CSNK1A1: variants seen among roughly 807,000 people sequenced by gnomAD.
The protein encoded by CSNK1A1 is casein kinase 1 alpha 1.
In CSNK1A1, 7 loss-of-function variants were observed where a neutral mutation model predicts 46.1. That is an observed-to-expected ratio of 0.15 (90% CI 0.09 to 0.29). The LOEUF is 0.29. CSNK1A1 is among the 10% of genes least tolerant of loss of function. The pLI, the probability that CSNK1A1 is intolerant of heterozygous loss-of-function variation, is 1.00. For missense variants in CSNK1A1, 96 were observed against 417.1 expected (o/e 0.23, Z 6.71); for synonymous variants, 137 against 141.5 (o/e 0.97, Z 0.23).
At chr5:149,500,469 G>C (rs1760815387) in intron 9 of CSNK1A1, among the ~76,000 whole-genome samples, 1 of 151,432 alleles carries the variant, frequency 6.6e-6, no homozygotes, top group Non-Finnish European at 1.5e-5. Flanking sequence ...AGTAAAGACA[G>C]GGTTTCACTG....
chr5:149,524,913 T>G, intron 3 of CSNK1A1, 132 bp downstream of exon 3: 2 of 744,206 alleles, frequency 2.7e-6, no homozygotes, highest in Non-Finnish European at 4.0e-6. Context: ...ACAAGTCACA[T>G]TATTATTTTT....
chr5:149,501,065 C>A, intron 9 of CSNK1A1: 1 of 985,386 alleles, frequency 1.0e-6, no homozygotes, highest in African/African-American at 1.7e-5. Flanking sequence ...GCATTCAACA[C>A]CACTGAGTCA....
chr5:149,508,898 C>T (rs1761124538), intron 7 of CSNK1A1, among the ~76,000 whole-genome samples: 2 of 152,110 alleles, frequency 1.3e-5, no homozygotes, highest in South Asian at 2.1e-4. Flanking sequence ...TTACTTAAAA[C>T]GTTTATTTAA....
chr5:149,513,246 C>A (rs758301729), intron 4 of CSNK1A1, 37 bp from the exon 5 acceptor site: 3 of 1,583,400 alleles, frequency 1.9e-6, no homozygotes, highest in African/African-American at 1.4e-5. Context: ...AGGTTTCCAA[C>A]CTTGTTCAAT....
chr5:149,527,137 T>TG (rs1205342573), intron 2 of CSNK1A1, among the ~76,000 whole-genome samples: 1 of 151,974 alleles, frequency 6.6e-6, no homozygotes, highest in East Asian at 1.9e-4. Flanking sequence ...GCCATTTTTT[T>TG]TTTTTTGAGA....
intron 6 of CSNK1A1, among the ~76,000 whole-genome samples, chr5:149,510,411 A>G (rs1318926483): frequency 6.6e-6 from 1 of 152,004 alleles, no homozygotes; most frequent in Non-Finnish European, 1.5e-5. Flanking sequence ...CTGGGACTAC[A>G]GGTGTGCATC....
At chr5:149,521,134 T>C (rs1164788747) in intron 3 of CSNK1A1, among the ~76,000 whole-genome samples, 1 of 152,168 alleles carries the variant, frequency 6.6e-6, no homozygotes, top group African/African-American at 2.4e-5. Context: ...CTTTACCCAC[T>C]AGTGCTTTTA....
chr5:149,534,758 G>A (rs952636804), intron 2 of CSNK1A1, among the ~76,000 whole-genome samples: 3 of 150,912 alleles, frequency 2.0e-5, no homozygotes, highest in African/African-American at 4.9e-5. Context: ...CAAAGACCCC[G>A]GTCTCTCTAT....
chr5:149,507,199 T>A, intron 7 of CSNK1A1, 66 bp from the exon 8 acceptor site: 1 of 1,216,146 alleles, frequency 8.2e-7, no homozygotes, highest in Non-Finnish European at 1.2e-6. Context: ...TAAATGCATT[T>A]AAGTATAAGC....
chr5:149,544,737 T>TTATACATATATATATATATATATA (rs1762410456), intron 2 of CSNK1A1, among the ~76,000 whole-genome samples: 1 of 80,806 alleles, frequency 1.2e-5, no homozygotes, highest in African/African-American at 6.5e-5. Flanking sequence ...GTAAAGAGCT[T>TTATACATATATATATATATATATA]TATATATATA....
Position 149,551,369 on chromosome 5 carries a change from T to C in CSNK1A1, c.-405A>G. The C allele has an allele frequency of 1.7e-5, 3 of 180,814 alleles. No homozygotes were observed. In the South Asian group the frequency reaches 2.7e-4, roughly 17 times the overall value. The allele number at this position is 180,814 out of a possible 1,614,324, so 11.2% of individuals were successfully genotyped here. On this transcript the variant is annotated 5_prime_UTR_variant, in exon 1 of 10. Coordinates refer to ENST00000377843, the MANE Select transcript of CSNK1A1 (RefSeq NM_001892.6). Reference sequence around the variant, plus strand: ...TCCGCGGACGACGCCATCTTGTTACTCCAGCTCCAGCCAACACAAAATGCC... The same window carrying C: ...TCCGCGGACGACGCCATCTTGTTACCCCAGCTCCAGCCAACACAAAATGCC...
intron 2 of CSNK1A1, among the ~76,000 whole-genome samples, chr5:149,534,126 G>A (rs975759625): frequency 2.6e-5 from 4 of 152,138 alleles, no homozygotes; most frequent in Admixed American, 2.6e-4. Flanking sequence ...GATGACAAGT[G>A]TAATATAAAG....
At chr5:149,502,323 G>A (rs1554114741) in intron 9 of CSNK1A1, 1 of 968,068 alleles carries the variant, frequency 1.0e-6, no homozygotes, top group Non-Finnish European at 1.2e-6. Context: ...TCTGTGAAGA[G>A]TAATATAAAA....
chr5:149,498,041 C>T, intron 9 of CSNK1A1: 1 of 819,716 alleles, frequency 1.2e-6, no homozygotes, highest in Non-Finnish European at 1.5e-6. Flanking sequence ...ACTGTGTTGG[C>T]CAGGCTGGTC....
At chr5:149,499,787 A>G (rs1369427100) in intron 9 of CSNK1A1, among the ~76,000 whole-genome samples, 1 of 152,116 alleles carries the variant, frequency 6.6e-6, no homozygotes, top group Non-Finnish European at 1.5e-5. Flanking sequence ...ACCAGAAACT[A>G]GTTCAAAGGG....
At position 149,503,222 on chromosome 5, in the gene CSNK1A1, G is replaced by A. The variant is rs547102688; in HGVS notation, c.1006+2225C>T. On this transcript the variant is annotated intron_variant, in intron 9 of 9. Transcript: ENST00000377843. ...GATTTCTTAAAGGATAACTTGCTGG[G>A]CTGGGGGTAGAAGTTAGGGGAATAT... 299 of 985,424 alleles carry A rather than the reference G, an allele frequency of 3.0e-4. 2 individuals are homozygous for A. The African/African-American group carries it at 5.0e-3, about 16-fold the overall frequency. 61.0% of individuals were successfully genotyped at this position (985,424 alleles called of 1,614,324 possible). A position where few individuals can be genotyped will look rare whatever the true frequency, so the allele number is the denominator to read the frequency against.
rs1209054874 is a variant in CSNK1A1 at position 149,524,980 on chromosome 5, T to C, written c.357+65A>G. The C allele has an allele frequency of 2.8e-6, 4 of 1,424,978 alleles. No homozygotes were observed. The East Asian group carries it at 9.5e-5, about 34-fold the overall frequency. The allele number at this position is 1,424,978 out of a possible 1,614,324, so 88.3% of individuals were successfully genotyped here. On this transcript the variant is annotated intron_variant, in intron 3 of 9. Transcript: ENST00000377843. The stretch of plus-strand genomic sequence containing the variant: ...CACAGGATTTTAATACTCTGATTTA[T>C]GAATAATGAAATTCCAGTCAACAGT...
At chr5:149,533,239 A>G (rs1414074494) in intron 2 of CSNK1A1, among the ~76,000 whole-genome samples, 1 of 152,270 alleles carries the variant, frequency 6.6e-6, no homozygotes, top group Non-Finnish European at 1.5e-5. Context: ...AGTAGCTAAC[A>G]AGACAAAACA....
chr5:149,500,533 T>C lies in CSNK1A1; in HGVS notation c.1007-3673A>G, dbSNP rs529315838. The stretch of plus-strand genomic sequence containing the variant: ...ACCTCACGATCTGCCCGCCTCAGCC[T>C]CCCAAAGTGCTGGGATTACAGAAGC... On this transcript the variant is annotated intron_variant, in intron 9 of 9. Transcript: ENST00000377843. Among the ~76,000 whole-genome samples the C allele has an allele frequency of 2.0e-3, 312 of 152,206 alleles. 1 individual carries two copies. The highest frequency in any genetic ancestry group is 7.3e-3 in the African/African-American group (304 of 41,542).
Sources: gnomAD v4.1 joint callset for allele counts (sites outside exome capture counted in the v4.1 genomes callset) on GRCh38, gnomAD v4.1.1 for gene constraint, MANE v1.5 for transcripts, NCBI Gene and HGNC (gene_info 2026-07-23, HGNC 2026-07-21) for gene names.